PLCL1: variants seen among roughly 807,000 people sequenced by gnomAD.
The protein encoded by PLCL1 is inactive phospholipase C-like protein 1.
Under a neutral mutation model 84.4 loss-of-function variants are expected in PLCL1, and 41 were observed. The ratio of observed to expected loss-of-function variants is 0.49; its 90% confidence interval spans 0.38 to 0.63. The LOEUF (loss-of-function observed/expected upper bound fraction) is 0.63, where lower values mean the gene tolerates loss of function less well. Among genes scored for constraint, PLCL1 ranks in the 30% least tolerant of loss-of-function variants. PLCL1 has a pLI of 0.00. For missense variants in PLCL1, 1,206 were observed against 1,367.8 expected (o/e 0.88, Z 1.87); for synonymous variants, 490 against 488.3 (o/e 1.00, Z -0.05).
chr2:197,845,939 G>T (rs1027412485), intron 1 of PLCL1, among the ~76,000 whole-genome samples: 3 of 152,126 alleles, frequency 2.0e-5, no homozygotes, highest in Non-Finnish European at 4.4e-5. Context: ...TAAATGAGAA[G>T]GGTGAGGTTT....
intron 1 of PLCL1, among the ~76,000 whole-genome samples, chr2:197,978,469 C>T (rs1218374696): frequency 6.6e-6 from 1 of 152,106 alleles, no homozygotes; most frequent in African/African-American, 2.4e-5. Flanking sequence ...CAGAGGGAGA[C>T]TCCGTCTCAA....
At chr2:197,841,667 C>T (rs929964559) in intron 1 of PLCL1, among the ~76,000 whole-genome samples, 3 of 152,180 alleles carry the variant, frequency 2.0e-5, no homozygotes, top group African/African-American at 7.2e-5. Flanking sequence ...CATGAAACTG[C>T]TATAAACATT....
chr2:198,086,447 C>T (rs573015688), intron 2 of PLCL1, among the ~76,000 whole-genome samples: 1 of 152,108 alleles, frequency 6.6e-6, no homozygotes, highest in African/African-American at 2.4e-5. Flanking sequence ...ATGGTGAAAC[C>T]CTGTATTTCT....
At chr2:197,928,875 T>C (rs1203803051) in intron 1 of PLCL1, among the ~76,000 whole-genome samples, 1 of 152,176 alleles carries the variant, frequency 6.6e-6, no homozygotes, top group Non-Finnish European at 1.5e-5. Flanking sequence ...CAAAAATAAA[T>C]ATGCCTAGAA....
At chr2:197,951,450 A>G (rs1284297331) in intron 1 of PLCL1, among the ~76,000 whole-genome samples, 2 of 152,074 alleles carry the variant, frequency 1.3e-5, no homozygotes, top group Non-Finnish European at 2.9e-5. Flanking sequence ...TGAAATTTTC[A>G]AGCGTATTAG....
chr2:197,883,764 GATATAAATAGTA>G (rs1687871169), intron 1 of PLCL1, among the ~76,000 whole-genome samples: 1 of 152,182 alleles, frequency 6.6e-6, no homozygotes, highest in Admixed American at 6.5e-5. Flanking sequence ...ATACTCACAT[GATATAAATAGTA>G]ACACTTTTAG....
rs781469016 is a variant in PLCL1 at position 198,085,704 on chromosome 2, T to C, written c.2187T>C (p.Ser729=). 1.9e-6 allele frequency: 3 copies of C among 1,614,144 alleles called. No homozygotes were observed. Among genetic ancestry groups the C allele is most frequent in the South Asian group, 2.2e-5 (2 of 91,080 alleles). Residue 729 remains serine (S), a synonymous_variant, in exon 2 of 6, where the codon AGT becomes AGC. Transcript: ENST00000428675. The surrounding 1 kb of genome is among the most constrained non-coding windows in gnomAD (Gnocchi z 5.3). ...TAGCTCTTCATATCAAGATCATCAG[T>C]GGTCAGAATTTCCCAAAGCCCAAGG... is the stretch of plus-strand genomic sequence containing the variant. ...SPLALHIKII[S]GQNFPKPKGA...
At chr2:198,122,249 C>A (rs535192335) in intron 5 of PLCL1, among the ~76,000 whole-genome samples, 22 of 151,922 alleles carry the variant, frequency 1.4e-4, no homozygotes, top group Middle Eastern at 3.2e-3. Context: ...TTTGGTTGCT[C>A]ATAAGAGGAT....
At chr2:197,844,273 A>G (rs1479759662) in intron 1 of PLCL1, among the ~76,000 whole-genome samples, 1 of 152,108 alleles carries the variant, frequency 6.6e-6, no homozygotes, top group Non-Finnish European at 1.5e-5. Flanking sequence ...ACCTTCTCCC[A>G]GTTGCTGCCT....
intron 1 of PLCL1, among the ~76,000 whole-genome samples, chr2:197,991,146 G>C (rs1327428800): frequency 6.6e-6 from 1 of 152,088 alleles, no homozygotes; most frequent in East Asian, 1.9e-4. Flanking sequence ...AATCCATTGA[G>C]GGCCTGAATA....
At chr2:198,081,536 C>T (rs1403823627) in intron 1 of PLCL1, among the ~76,000 whole-genome samples, 1 of 152,156 alleles carries the variant, frequency 6.6e-6, no homozygotes, top group African/African-American at 2.4e-5. Context: ...TGTTTTTTAA[C>T]TTAAGGATGA....
At chr2:198,126,327 A>G (rs1353483508) in intron 5 of PLCL1, among the ~76,000 whole-genome samples, 1 of 152,174 alleles carries the variant, frequency 6.6e-6, no homozygotes, top group Non-Finnish European at 1.5e-5. Context: ...TGCATTTATG[A>G]TGATAAATCT....
intron 1 of PLCL1, among the ~76,000 whole-genome samples, chr2:198,076,343 T>G (rs917249224): frequency 1.3e-5 from 2 of 152,232 alleles, no homozygotes; most frequent in African/African-American, 4.8e-5. Flanking sequence ...CAGTGTGGGT[T>G]TCCTAAAGGA....
intron 1 of PLCL1, among the ~76,000 whole-genome samples, chr2:198,066,661 T>A (rs1692327703): frequency 6.6e-6 from 1 of 152,186 alleles, no homozygotes; most frequent in Non-Finnish European, 1.5e-5. Context: ...ATTCCAGATT[T>A]ATAAAAAATG....
At chr2:197,836,641 A>G (rs1282152048) in intron 1 of PLCL1, among the ~76,000 whole-genome samples, 2 of 152,152 alleles carry the variant, frequency 1.3e-5, no homozygotes, top group Admixed American at 1.3e-4. Flanking sequence ...CAAATAATCA[A>G]GTTATGCAAA....
At chr2:198,067,055 A>G (rs1431126003) in intron 1 of PLCL1, among the ~76,000 whole-genome samples, 3 of 151,888 alleles carry the variant, frequency 2.0e-5, no homozygotes, top group Non-Finnish European at 4.4e-5. Context: ...CTCCATAAAT[A>G]TATGTTGAAG....
At chr2:197,991,914 C>T (rs556424632) in intron 1 of PLCL1, among the ~76,000 whole-genome samples, 109 of 152,292 alleles carry the variant, frequency 7.2e-4, no homozygotes, top group Middle Eastern at 6.8e-3. Context: ...CACCGGAGAT[C>T]GCTCATCTGT....
intron 1 of PLCL1, among the ~76,000 whole-genome samples, chr2:198,078,947 C>A (rs1692645403): frequency 6.6e-6 from 1 of 151,828 alleles, no homozygotes; most frequent in Admixed American, 6.6e-5. Flanking sequence ...AGTACATAAC[C>A]ATTTCTAAGT....
Position 198,079,221 on chromosome 2 carries a change from T to C in PLCL1, c.241-4537T>C, listed in dbSNP as rs564133666. Reference sequence around the variant, plus strand: ...AATTTATGGAAACATGTTTATTAATTTGGCTTATCTGAACTTTGTTTCCAA... The same window carrying C: ...AATTTATGGAAACATGTTTATTAATCTGGCTTATCTGAACTTTGTTTCCAA... On this transcript the variant is annotated intron_variant, in intron 1 of 5. Transcript: ENST00000428675. 1.4e-4 allele frequency among the ~76,000 whole-genome samples: 21 copies of C among 151,832 alleles called. No individual in the cohort carries two copies. The South Asian group carries it at 4.4e-3, about 32-fold the overall frequency.
Sources: gnomAD v4.1 joint callset for allele counts (sites outside exome capture counted in the v4.1 genomes callset) on GRCh38, gnomAD v4.1.1 for gene constraint, Gnocchi (gnomAD v3.1) non-coding constraint, MANE v1.5 for transcripts, NCBI Gene and HGNC (gene_info 2026-07-23, HGNC 2026-07-21) for gene names.